CTNNA3: variants seen among roughly 807,000 people sequenced by gnomAD.
CTNNA3 encodes the protein catenin alpha-3.
In CTNNA3, 76 loss-of-function variants were observed where a neutral mutation model predicts 95.7. The ratio of observed to expected loss-of-function variants is 0.79; its 90% CI spans 0.66 to 0.96. The LOEUF (loss-of-function observed/expected upper bound fraction) is 0.96, where lower values mean the gene tolerates loss of function less well. Among genes scored for constraint, CTNNA3 ranks in the 40% least tolerant of loss-of-function variants. The pLI, the probability that CTNNA3 is intolerant of heterozygous loss-of-function variation, is 0.00. For synonymous variants in CTNNA3, 431 were observed against 374.4 expected, an observed-to-expected ratio of 1.15 and a Z score of -1.74; for missense variants, 1,191 against 1,089.8, an observed-to-expected ratio of 1.09 and a Z score of -1.31.
chr10:67,558,792 C>A lies in CTNNA3; in HGVS notation c.293-19123G>T, dbSNP rs534463510. 2.6e-5 allele frequency among the ~76,000 whole-genome samples: 4 copies of A among 152,348 alleles called. No individual in the cohort carries two copies. The East Asian group carries it at 5.8e-4, about 22-fold the overall frequency. ...TCGGGTCACTCCCACCCTAATACTGCGCTTTTCCAACGGGCTTAAAAAATG... is the reference window on the plus strand; with the variant it reads ...TCGGGTCACTCCCACCCTAATACTGAGCTTTTCCAACGGGCTTAAAAAATG... On this transcript the variant is annotated intron_variant, in intron 3 of 17. Transcript: ENST00000433211.
At chr10:66,660,733 A>ATT (rs1846233489) in intron 9 of CTNNA3, among the ~76,000 whole-genome samples, 1 of 152,068 alleles carries the variant, frequency 6.6e-6, no homozygotes. Flanking sequence ...TTTTGCTCAA[A>ATT]CTCAGAGAAG....
chr10:67,189,284 G>A (rs1213793200), intron 6 of CTNNA3, among the ~76,000 whole-genome samples: 2 of 151,970 alleles, frequency 1.3e-5, no homozygotes, highest in Non-Finnish European at 1.5e-5. Flanking sequence ...AATCTAACTC[G>A]GACACAGAGT....
chr10:66,638,275 T>C (rs1845401464), intron 9 of CTNNA3, among the ~76,000 whole-genome samples: 1 of 152,178 alleles, frequency 6.6e-6, no homozygotes, highest in Non-Finnish European at 1.5e-5. Context: ...TAAATTTGCT[T>C]TTCAGACATC....
intron 1 of CTNNA3, among the ~76,000 whole-genome samples, chr10:67,739,698 G>C (rs1841323938): frequency 6.6e-6 from 1 of 152,152 alleles, no homozygotes; most frequent in South Asian, 2.1e-4. Context: ...GTCATGGATA[G>C]GAAGAATCAA....
chr10:66,695,762 T>C (rs947154082), intron 9 of CTNNA3, among the ~76,000 whole-genome samples: 1 of 152,132 alleles, frequency 6.6e-6, no homozygotes, highest in Non-Finnish European at 1.5e-5. Flanking sequence ...GCTAGATTCC[T>C]GCTTAAAAAT....
chr10:67,666,011 T>C (rs1404210910), intron 1 of CTNNA3, among the ~76,000 whole-genome samples: 1 of 152,208 alleles, frequency 6.6e-6, no homozygotes, highest in Non-Finnish European at 1.5e-5. Flanking sequence ...CTTAAGAATA[T>C]GCCTGTTATT....
chr10:67,666,492 C>G (rs1441597554), intron 1 of CTNNA3, among the ~76,000 whole-genome samples: 2 of 150,574 alleles, frequency 1.3e-5, no homozygotes, highest in Non-Finnish European at 2.9e-5. Flanking sequence ...TTCACATTTA[C>G]AATTTTTTCC....
intron 5 of CTNNA3, among the ~76,000 whole-genome samples, chr10:67,329,615 T>C (rs996526978): frequency 6.6e-6 from 1 of 152,192 alleles, no homozygotes; most frequent in East Asian, 1.9e-4. Context: ...ACTGTTCTTA[T>C]AAAGTAACTC....
intron 5 of CTNNA3, among the ~76,000 whole-genome samples, chr10:67,484,802 A>G (rs1056503008): frequency 1.3e-5 from 2 of 152,164 alleles, no homozygotes; most frequent in Non-Finnish European, 2.9e-5. Flanking sequence ...TATTATGAAA[A>G]AGTCAAAAAA....
intron 7 of CTNNA3, among the ~76,000 whole-genome samples, chr10:67,022,327 A>C (rs1853070030): frequency 6.6e-6 from 1 of 152,068 alleles, no homozygotes; most frequent in Admixed American, 6.6e-5. Context: ...TTGTACACAC[A>C]TGCCTCTGTG....
At chr10:66,550,611 T>C (rs1842186129) in intron 10 of CTNNA3, among the ~76,000 whole-genome samples, 1 of 152,218 alleles carries the variant, frequency 6.6e-6, no homozygotes, top group South Asian at 2.1e-4. Flanking sequence ...GTTTGCCAAC[T>C]GCTAGTTTAC....
intron 3 of CTNNA3, among the ~76,000 whole-genome samples, chr10:67,576,620 T>C (rs185637322): frequency 6.8e-6 from 1 of 147,760 alleles, no homozygotes; most frequent in Non-Finnish European, 1.5e-5. Context: ...TAGTTACATA[T>C]GTATACATGT....
chr10:66,883,233 G>A (rs910465757), intron 7 of CTNNA3, among the ~76,000 whole-genome samples: 2 of 152,126 alleles, frequency 1.3e-5, no homozygotes, highest in African/African-American at 4.8e-5. Context: ...AGGTGGTACA[G>A]CGAGTGCTCA....
At chr10:66,339,076 T>C (rs2092426592) in intron 12 of CTNNA3, among the ~76,000 whole-genome samples, 1 of 151,836 alleles carries the variant, frequency 6.6e-6, no homozygotes, top group African/African-American at 2.4e-5. Context: ...AATATTAGCA[T>C]CTAGCTCTAC....
chr10:67,397,754 C>A (rs905429938), intron 5 of CTNNA3, among the ~76,000 whole-genome samples: 1 of 152,288 alleles, frequency 6.6e-6, no homozygotes, highest in African/African-American at 2.4e-5. Context: ...CAGGGCCCCC[C>A]TGCTGTATGC....
intron 5 of CTNNA3, among the ~76,000 whole-genome samples, chr10:67,402,817 C>T (rs1844971952): frequency 6.6e-6 from 1 of 152,168 alleles, no homozygotes; most frequent in Non-Finnish European, 1.5e-5. Context: ...TGCACAGAGA[C>T]CCAGGAGATT....
intron 5 of CTNNA3, among the ~76,000 whole-genome samples, chr10:67,232,545 A>G (rs997261451): frequency 5.9e-5 from 9 of 152,330 alleles, no homozygotes; most frequent in Non-Finnish European, 1.2e-4. Flanking sequence ...GGTACCAGCC[A>G]CTGCAAAATC....
chr10:66,499,503 T>A (rs1306158760), intron 11 of CTNNA3, among the ~76,000 whole-genome samples: 2 of 151,130 alleles, frequency 1.3e-5, no homozygotes, highest in Non-Finnish European at 3.0e-5. Context: ...GGAAAAACAA[T>A]TTTTTTTTGA....
At chr10:67,243,497 T>G (rs746966277) in intron 5 of CTNNA3, among the ~76,000 whole-genome samples, 1 of 152,202 alleles carries the variant, frequency 6.6e-6, no homozygotes, top group Non-Finnish European at 1.5e-5. Context: ...CAGAGGAAAC[T>G]CTTTAAAACT....
Sources: allele counts gnomAD v4.1 joint callset (sites outside exome capture counted in the v4.1 genomes callset), GRCh38; gene constraint gnomAD v4.1.1; transcripts MANE v1.5; gene names NCBI Gene and HGNC (gene_info 2026-07-23, HGNC 2026-07-21).